The following SEMA5B variants were observed in gnomAD, a reference collection of about 807,000 sequenced individuals.
The protein encoded by SEMA5B is semaphorin 5B.
A neutral mutation model predicts 135.0 loss-of-function variants in SEMA5B; 66 were observed. That is an observed-to-expected ratio of 0.49 (90% CI 0.40 to 0.60). SEMA5B has a LOEUF of 0.60. Ranked by LOEUF, SEMA5B falls within the 20% of genes least tolerant of loss-of-function variation. The probability of loss-of-function intolerance (pLI) is 0.00; values close to 1 mark genes in which losing one functional copy is unlikely to be tolerated. For synonymous variants in SEMA5B, 690 were observed against 639.5 expected (o/e 1.08, Z -1.19); for missense variants, 1,501 against 1,566.3 (o/e 0.96, Z 0.70).
chr3:122,916,776 T>C (rs988248326), intron 12 of SEMA5B, among the ~76,000 whole-genome samples: 2 of 152,128 alleles, frequency 1.3e-5, no homozygotes, highest in African/African-American at 2.4e-5. Context: ...TGCTGCTTAG[T>C]GGCAGGAATC....
intron 1 of SEMA5B, among the ~76,000 whole-genome samples, chr3:123,021,630 C>T (rs1006461): frequency 0.28 from 42,014 of 152,086 alleles, 11,302 homozygotes; most frequent in African/African-American, 0.71. Context: ...ACCAGTGGGA[C>T]TGGCAAATAG....
At chr3:122,954,980 T>C (rs1343022149) in intron 2 of SEMA5B, among the ~76,000 whole-genome samples, 1 of 151,780 alleles carries the variant, frequency 6.6e-6, no homozygotes, top group Admixed American at 6.6e-5. Flanking sequence ...GTTTTTTTTT[T>C]TTTGTAGAAA....
chr3:122,952,034 C>A (rs1940071871), intron 2 of SEMA5B, among the ~76,000 whole-genome samples: 1 of 152,228 alleles, frequency 6.6e-6, no homozygotes, highest in Admixed American at 6.5e-5. Context: ...CCCCCACTCC[C>A]TCCCTGGTCT....
intron 3 of SEMA5B, among the ~76,000 whole-genome samples, chr3:122,945,577 T>C (rs1233485928): frequency 2.6e-5 from 4 of 152,110 alleles, no homozygotes; most frequent in Non-Finnish European, 4.4e-5. Flanking sequence ...ATTTTCTGTG[T>C]GTGTAGGGCA....
At chr3:122,914,078 A>G (rs1375411275) in intron 14 of SEMA5B, 77 bp from the exon 15 acceptor site, 17 of 1,440,098 alleles carry the variant, frequency 1.2e-5, no homozygotes, top group Middle Eastern at 1.8e-4. Context: ...CTCTGGGCCG[A>G]TGTATTTTCT....
At chr3:122,935,532 A>G (rs531073668) in intron 5 of SEMA5B, among the ~76,000 whole-genome samples, 6 of 151,956 alleles carry the variant, frequency 3.9e-5, no homozygotes, top group Non-Finnish European at 8.8e-5. Flanking sequence ...GAGAATGTCA[A>G]TCAATCCTTC....
At chr3:122,950,867 C>T (rs1287528106) in intron 2 of SEMA5B, among the ~76,000 whole-genome samples, 1 of 152,180 alleles carries the variant, frequency 6.6e-6, no homozygotes, top group East Asian at 1.9e-4. Flanking sequence ...GCCCAAATAA[C>T]CTAGGGTGTA....
chr3:123,002,333 C>A (rs1474756490), intron 1 of SEMA5B, among the ~76,000 whole-genome samples: 2 of 152,172 alleles, frequency 1.3e-5, no homozygotes, highest in Admixed American at 6.5e-5. Context: ...ACAGGAGAAC[C>A]CATGCATTCC....
intron 8 of SEMA5B, 80 bp from the exon 9 acceptor site, chr3:122,926,757 TC>T (rs1306492100): frequency 6.6e-7 from 1 of 1,524,066 alleles, no homozygotes; most frequent in African/African-American, 1.4e-5. Flanking sequence ...CTCAACTACT[TC>T]GGTTTTCCCA....
intron 1 of SEMA5B, among the ~76,000 whole-genome samples, chr3:123,007,822 T>C (rs556893930): frequency 6.6e-6 from 1 of 152,332 alleles, no homozygotes; most frequent in Admixed American, 6.5e-5. Context: ...GTTTCATGTA[T>C]TCTGTTACAA....
At chr3:122,989,832 G>T (rs193298264) in intron 1 of SEMA5B, among the ~76,000 whole-genome samples, 1 of 152,314 alleles carries the variant, frequency 6.6e-6, no homozygotes, top group Admixed American at 6.5e-5. Context: ...GTCAGAAAAA[G>T]AGGAGAAGGG....
At chr3:122,914,135 T>C in intron 14 of SEMA5B, 134 bp from the exon 15 acceptor site, 1 of 987,382 alleles carries the variant, frequency 1.0e-6, no homozygotes, top group Non-Finnish European at 1.4e-6. Flanking sequence ...TATCTTCTCC[T>C]AAACAGGTCA....
At position 122,974,380 on chromosome 3, in the gene SEMA5B, G is replaced by A. The variant is rs117424031; in HGVS notation, c.-38-13079C>T. ...ACTACTGCCCCAGACATAGGAATGT[G>A]TACGTGGGTGCACACTCGCCTGCGC... is the stretch of plus-strand genomic sequence containing the variant. On this transcript the variant is annotated intron_variant, in intron 1 of 22. Transcript: ENST00000357599. 6.2e-4 allele frequency among the ~76,000 whole-genome samples: 95 copies of A among 152,374 alleles called. 2 individuals carry two copies. The East Asian group carries it at 0.012, about 19-fold the overall frequency.
In SEMA5B at chr3:122,912,135, A is replaced by C. The variant is rs1451866520; in HGVS notation, c.2896+37T>G. ...CCCCTGGTGGGGATCAGAGGGCTCCATGTCGCTTCCCAGCCCTGGCGGGAT... is the reference window on the plus strand; with the variant it reads ...CCCCTGGTGGGGATCAGAGGGCTCCCTGTCGCTTCCCAGCCCTGGCGGGAT... On this transcript the variant is annotated intron_variant, in intron 19 of 22. Transcript: ENST00000357599. 2.5e-6 allele frequency: 4 copies of C among 1,582,988 alleles called. No individual in the cohort carries two copies. In the South Asian group the frequency reaches 4.6e-5, roughly 18 times the overall value.
rs1310232709 is a variant in SEMA5B at position 123,008,989 on chromosome 3, T to A, written c.-39+18475A>T. 3.3e-5 allele frequency among the ~76,000 whole-genome samples: 5 copies of A among 152,306 alleles called. No homozygotes were observed. In the East Asian group the frequency reaches 9.7e-4, roughly 29 times the overall value. On this transcript the variant is annotated intron_variant, in intron 1 of 22. Transcript: ENST00000357599. ...AGTGCACCTTTGATGTGGCTCAGGC[T>A]GCTGGGCAGAGGAAACCCGAGCTTC...
In SEMA5B at chr3:123,000,716, C is replaced by G. The variant is rs375119429; in HGVS notation, c.-39+26748G>C. On this transcript the variant is annotated intron_variant, in intron 1 of 22. Coordinates refer to ENST00000357599, the MANE Select transcript of SEMA5B (RefSeq NM_001031702.4). ...CTCCAGCTAAAGCCGGAACTCCAGC[C>G]TGGGGTGCACAGTGCTTCTTAACAG... is the stretch of plus-strand genomic sequence containing the variant. 7.9e-5 allele frequency among the ~76,000 whole-genome samples: 12 copies of G among 152,280 alleles called. 1 individual carries two copies. The highest frequency in any genetic ancestry group is 5.8e-4 in the East Asian group (3 of 5,184).
intron 14 of SEMA5B, among the ~76,000 whole-genome samples, chr3:122,914,853 G>A (rs909476954): frequency 6.6e-6 from 1 of 152,164 alleles, no homozygotes; most frequent in South Asian, 2.1e-4. Flanking sequence ...GGAGATTACA[G>A]TGAGCCATGA....
At chr3:123,027,058 T>TG (rs1464472116) in intron 1 of SEMA5B, 1 of 152,736 alleles carries the variant, frequency 6.5e-6, no homozygotes, top group Non-Finnish European at 1.5e-5. Flanking sequence ...CCCTCAGTGC[T>TG]GTTTACTAGC....
chr3:122,959,839 TATC>T (rs1357137918), intron 2 of SEMA5B, among the ~76,000 whole-genome samples: 2 of 152,214 alleles, frequency 1.3e-5, no homozygotes, highest in East Asian at 3.9e-4. Context: ...ACTAAGGTAA[TATC>T]ATGAGTAGGA....
Sources: gnomAD v4.1 joint callset for allele counts (sites outside exome capture counted in the v4.1 genomes callset) on GRCh38, gnomAD v4.1.1 for gene constraint, MANE v1.5 for transcripts, NCBI Gene and HGNC (gene_info 2026-07-23, HGNC 2026-07-21) for gene names.